CCDC148: variants seen among roughly 807,000 people sequenced by gnomAD.
CCDC148 encodes the protein coiled-coil domain-containing protein 148.
CCDC148 carries 89 observed loss-of-function variants against 85.7 expected under a neutral mutation model. That is an observed-to-expected ratio of 1.04 (90% CI 0.87 to 1.24). CCDC148 has a LOEUF of 1.24. CCDC148 is among the 50% of genes most tolerant of loss of function. The probability of loss-of-function intolerance (pLI) is 0.00; values close to 1 mark genes in which losing one functional copy is unlikely to be tolerated. For synonymous variants in CCDC148, 230 were observed against 213.9 expected (o/e 1.08, Z -0.66); for missense variants, 692 against 671.7 (o/e 1.03, Z -0.33).
intron 11 of CCDC148, among the ~76,000 whole-genome samples, chr2:158,187,014 T>C (rs771531222): frequency 4.6e-5 from 7 of 152,076 alleles, no homozygotes; most frequent in Non-Finnish European, 8.8e-5. Context: ...AGTTGATCCT[T>C]AACTGGACAT....
intron 11 of CCDC148, among the ~76,000 whole-genome samples, chr2:158,210,662 G>A (rs2105291546): frequency 6.6e-6 from 1 of 151,790 alleles, no homozygotes; most frequent in African/African-American, 2.4e-5. Context: ...ATTCACTCAA[G>A]GCCGGGTGCG....
intron 1 of CCDC148, among the ~76,000 whole-genome samples, chr2:158,439,182 T>C (rs1283162928): frequency 6.6e-6 from 1 of 152,214 alleles, no homozygotes; most frequent in African/African-American, 2.4e-5. Flanking sequence ...CACGTGTATG[T>C]TTATTGTGGC....
intron 3 of CCDC148, among the ~76,000 whole-genome samples, chr2:158,342,026 C>CTTTTTTTTTTTTTT (rs1159799812): frequency 1.9e-4 from 12 of 62,656 alleles, no homozygotes; most frequent in African/African-American, 2.9e-4. Context: ...ATTTTCTTTT[C>CTTTTTTTTTTTTTT]TTTTTTTTTT....
chr2:158,207,629 G>T (rs2105288527), intron 11 of CCDC148: 1 of 152,310 alleles, frequency 6.6e-6, no homozygotes, highest in South Asian at 2.1e-4. Flanking sequence ...TACAGTGTTG[G>T]TTGGAACAAT....
At chr2:158,438,101 C>G (rs896526827) in intron 1 of CCDC148, among the ~76,000 whole-genome samples, 1 of 152,142 alleles carries the variant, frequency 6.6e-6, no homozygotes, top group Admixed American at 6.5e-5. Flanking sequence ...CAATGACTTT[C>G]TTCACAGAAT....
At position 158,405,756 on chromosome 2, in the gene CCDC148, G is replaced by A. The variant is rs530590263; in HGVS notation, c.26-47186C>T. On this transcript the variant is annotated intron_variant, in intron 1 of 13. Coordinates refer to ENST00000283233, the MANE Select transcript of CCDC148 (RefSeq NM_138803.4). ...ACCTAATTTACATGTTTCATATTTTGTTAGAGTAGACATAATATGAATTAT... is the reference window on the plus strand; with the variant it reads ...ACCTAATTTACATGTTTCATATTTTATTAGAGTAGACATAATATGAATTAT... Among the ~76,000 whole-genome samples the A allele has an allele frequency of 2.2e-4, 33 of 152,172 alleles. 1 individual carries two copies. The South Asian group carries it at 6.8e-3, about 32-fold the overall frequency.
chr2:158,331,349 T>G (rs1459988962), intron 7 of CCDC148, among the ~76,000 whole-genome samples: 2 of 152,210 alleles, frequency 1.3e-5, no homozygotes, highest in African/African-American at 4.8e-5. Context: ...AGTTCTAGTT[T>G]GATTGCACTG....
chr2:158,215,784 A>C (rs190804886), intron 11 of CCDC148, among the ~76,000 whole-genome samples: 1 of 151,990 alleles, frequency 6.6e-6, no homozygotes, highest in Non-Finnish European at 1.5e-5. Context: ...CTCAAAATTC[A>C]TATGTTGAGG....
intron 11 of CCDC148, among the ~76,000 whole-genome samples, chr2:158,217,467 A>G (rs1019705537): frequency 1.3e-5 from 2 of 150,892 alleles, no homozygotes; most frequent in Non-Finnish European, 2.9e-5. Flanking sequence ...CGGTAGCACG[A>G]TCTCAGCTCA....
At chr2:158,332,199 G>C (rs906178775) in intron 7 of CCDC148, among the ~76,000 whole-genome samples, 7 of 152,034 alleles carry the variant, frequency 4.6e-5, no homozygotes, top group African/African-American at 1.2e-4. Flanking sequence ...TAGGGCAGGC[G>C]TGGTGGTGAC....
At chr2:158,189,919 T>C (rs1488851376) in intron 11 of CCDC148, among the ~76,000 whole-genome samples, 6 of 151,950 alleles carry the variant, frequency 3.9e-5, no homozygotes, top group Non-Finnish European at 8.8e-5. Flanking sequence ...AAACATAGAA[T>C]AAATGATGAG....
chr2:158,296,814 T>A (rs1691210647), intron 9 of CCDC148, among the ~76,000 whole-genome samples: 1 of 152,192 alleles, frequency 6.6e-6, no homozygotes, highest in South Asian at 2.1e-4. Context: ...TGTAGATTCA[T>A]CAAGTCCTCG....
chr2:158,332,119 T>C (rs1693164290), intron 7 of CCDC148, among the ~76,000 whole-genome samples: 1 of 152,180 alleles, frequency 6.6e-6, no homozygotes, highest in African/African-American at 2.4e-5. Flanking sequence ...CTTTACAATT[T>C]GGCATGTTTT....
At position 158,323,919 on chromosome 2, in the gene CCDC148, CTTTTTTT is replaced by C. The variant is rs777356867; in HGVS notation, c.765-10032_765-10026del. On this transcript the variant is annotated intron_variant, in intron 7 of 13. Transcript: ENST00000283233. ...GTCTAATTTCACCACCTGGGAATAA[CTTTTTTT>C]TTTTTTTTTTTTTTTTTTTTGAGAT... Among the ~76,000 whole-genome samples, 43 of 82,964 alleles carry C rather than the reference CTTTTTTT, an allele frequency of 5.2e-4. 1 individual carries two copies. The highest frequency in any genetic ancestry group is 4.6e-3 in the East Asian group (14 of 3,044). The allele number at this position is 82,964 out of a possible 152,430, so 54.4% of individuals were successfully genotyped here.
At chr2:158,367,152 A>G (rs1051330214) in intron 1 of CCDC148, among the ~76,000 whole-genome samples, 1 of 152,190 alleles carries the variant, frequency 6.6e-6, no homozygotes, top group African/African-American at 2.4e-5. Context: ...GAGCAAGACC[A>G]CAGGAGTGGC....
intron 7 of CCDC148, among the ~76,000 whole-genome samples, chr2:158,327,650 T>C (rs1158082620): frequency 1.3e-5 from 2 of 152,218 alleles, no homozygotes; most frequent in African/African-American, 4.8e-5. Flanking sequence ...TCCCTCATTA[T>C]TGCTTCTTTT....
At chr2:158,237,659 G>A (rs1181908314) in intron 10 of CCDC148, among the ~76,000 whole-genome samples, 1 of 152,120 alleles carries the variant, frequency 6.6e-6, no homozygotes, top group African/African-American at 2.4e-5. Context: ...TAGATTTGAG[G>A]AGTTAACACA....
chr2:158,186,092 G>A (rs373909934), intron 11 of CCDC148, among the ~76,000 whole-genome samples: 37 of 152,138 alleles, frequency 2.4e-4, no homozygotes, highest in African/African-American at 8.2e-4. Flanking sequence ...AGGAGGCTGA[G>A]TTTTTCTGGC....
intron 10 of CCDC148, among the ~76,000 whole-genome samples, chr2:158,233,659 T>C (rs910865581): frequency 1.3e-5 from 2 of 151,992 alleles, no homozygotes; most frequent in Non-Finnish European, 2.9e-5. Context: ...GCCAGTTCAT[T>C]TAGCCAGTTC....
Sources: gnomAD v4.1 joint callset for allele counts (sites outside exome capture counted in the v4.1 genomes callset) on GRCh38, gnomAD v4.1.1 for gene constraint, MANE v1.5 for transcripts, NCBI Gene and HGNC (gene_info 2026-07-23, HGNC 2026-07-21) for gene names.